CPS1: variants seen among roughly 807,000 people sequenced by gnomAD.
CPS1 encodes the protein carbamoyl-phosphate synthase 1.
Under a neutral mutation model 174.6 loss-of-function variants are expected in CPS1, and 109 were observed. The ratio of observed to expected loss-of-function variants is 0.62; its 90% CI spans 0.53 to 0.73. CPS1 has a LOEUF of 0.73. Among genes scored for constraint, CPS1 ranks in the 30% least tolerant of loss-of-function variants. The pLI is 0.00. For synonymous variants in CPS1, 637 were observed against 632.0 expected (o/e 1.01, Z -0.12); for missense variants, 1,689 against 1,821.9 (o/e 0.93, Z 1.33).
Position 210,599,606 on chromosome 2 carries a change from GCT to G in CPS1, c.1549+46_1549+47del, listed in dbSNP as rs1244620789. 1.9e-6 allele frequency: 3 copies of G among 1,548,860 alleles called. No homozygotes were observed. In the African/African-American group the frequency reaches 4.1e-5, roughly 21 times the overall value. ...ATTGCAGAGTTTTGACATATGCACT[GCT>G]GTGTAATGTATTTTATTTGAGCTCA... On this transcript the variant is annotated intron_variant, in intron 14 of 37. Transcript: ENST00000233072.
intron 1 of CPS1, among the ~76,000 whole-genome samples, chr2:210,523,658 C>G (rs762286897): frequency 2.6e-5 from 4 of 151,996 alleles, no homozygotes; most frequent in Non-Finnish European, 5.9e-5. Flanking sequence ...ATCCATGTTG[C>G]TGCAAAAGAC....
At position 210,588,147 on chromosome 2, in the gene CPS1, G is replaced by T. The variant is rs1000750975; in HGVS notation, c.711G>T (p.Lys237Asn). ...ACAATGTAATCCGCCTGCTAGTAAA[G>T]GTAAGTAATTTGTTCATTTCAAAGG... ...IKNNVIRLLV[K>N]RGAEVHLVPW... The change falls in exon 7 of 38, where the codon AAG becomes AAT. Residue 237 changes from lysine to asparagine, a missense_variant and splice_region_variant. By Grantham distance (94) the Lys-to-Asn change is moderately conservative. Coordinates refer to ENST00000233072, the MANE Select transcript of CPS1 (RefSeq NM_001875.5). 1 of 1,611,940 alleles carries T rather than the reference G, an allele frequency of 6.2e-7. No individual in the cohort carries two copies. Among genetic ancestry groups the T allele is most frequent in the Non-Finnish European group, 8.5e-7 (1 of 1,178,450 alleles).
chr2:210,535,785 T>TA (rs1046501290), intron 1 of CPS1, among the ~76,000 whole-genome samples: 21 of 150,560 alleles, frequency 1.4e-4, no homozygotes, highest in Admixed American at 4.0e-4. Flanking sequence ...TACATGTACT[T>TA]AAAAAAAGTT....
At chr2:210,580,466 A>T (rs1195401117) in intron 5 of CPS1, among the ~76,000 whole-genome samples, 8 of 152,106 alleles carry the variant, frequency 5.3e-5, no homozygotes, top group Non-Finnish European at 8.8e-5. Flanking sequence ...ATCTGAAAGA[A>T]ACATTACGTC....
chr2:210,658,656 G>A lies in CPS1; in HGVS notation c.3724G>A (p.Val1242Ile), dbSNP rs766236739. The change falls in exon 31 of 38, where the codon GTC (valine) becomes ATC (isoleucine). Residue 1242 changes from valine to isoleucine, a missense_variant. Coordinates refer to ENST00000233072, the MANE Select transcript of CPS1 (RefSeq NM_001875.5). ...TTTTGCCATCTCTGGTCCATTCAAC[G>A]TCCAATTTCTTGTCAAAGGAAATGA... ...KAFAISGPFNVQFLVKGNDVL... is the reference protein window; with the variant it reads ...KAFAISGPFNIQFLVKGNDVL... 1.4e-5 allele frequency: 23 copies of A among 1,613,846 alleles called. No homozygotes were observed. Among genetic ancestry groups the A allele is most frequent in the Middle Eastern group, 1.6e-4 (1 of 6,084 alleles).
At chr2:210,619,741 T>C (rs1299133872) in intron 21 of CPS1, 1 of 152,140 alleles carries the variant, frequency 6.6e-6, no homozygotes, top group African/African-American at 2.4e-5. Flanking sequence ...CTACAGTTGT[T>C]AATCAATCTC....
chr2:210,543,892 T>TC (rs1207481091), intron 1 of CPS1, among the ~76,000 whole-genome samples: 5 of 151,890 alleles, frequency 3.3e-5, no homozygotes, highest in African/African-American at 4.8e-5. Context: ...AAGAATCACT[T>TC]CCCCCCCTCC....
At chr2:210,533,265 G>T (rs991736730) in intron 1 of CPS1, among the ~76,000 whole-genome samples, 1 of 152,090 alleles carries the variant, frequency 6.6e-6, no homozygotes, top group Non-Finnish European at 1.5e-5. Flanking sequence ...GGGATTTGGA[G>T]AATTGAAATC....
At chr2:210,666,949 C>G (rs1010565462) in intron 33 of CPS1, among the ~76,000 whole-genome samples, 32 of 152,140 alleles carry the variant, frequency 2.1e-4, no homozygotes, top group African/African-American at 7.7e-4. Flanking sequence ...TTGATTCTTC[C>G]TACCCATGAG....
rs150646028 is a variant in CPS1, at chr2:210,606,113, A to G, written c.1982-618A>G. Among the ~76,000 whole-genome samples, 418 of 152,068 alleles carry G rather than the reference A, an allele frequency of 2.7e-3. 3 individuals are homozygous for G. Among genetic ancestry groups the G allele is most frequent in the Non-Finnish European group, 5.2e-3 (352 of 67,908 alleles). Reference sequence around the variant, plus strand: ...GCTCTTTTGGATGTCCAAGAGAACAATTTCATTGCAAAGTCAGTTCTGTGA... The same window carrying G: ...GCTCTTTTGGATGTCCAAGAGAACAGTTTCATTGCAAAGTCAGTTCTGTGA... On this transcript the variant is annotated intron_variant, in intron 17 of 37. Transcript: ENST00000233072.
At chr2:210,494,792 T>C (rs1694952074) in intron 1 of CPS1, among the ~76,000 whole-genome samples, 1 of 152,188 alleles carries the variant, frequency 6.6e-6, no homozygotes, top group Admixed American at 6.5e-5. Flanking sequence ...TGAGATTTGA[T>C]TGAAGCCACA....
intron 21 of CPS1, chr2:210,619,362 T>C (rs112758705): frequency 6.6e-6 from 1 of 152,092 alleles, no homozygotes; most frequent in Non-Finnish European, 1.5e-5. Flanking sequence ...GAAGCTTAAT[T>C]TATATAAGTA....
chr2:210,605,662 A>G (rs927569381), intron 17 of CPS1, among the ~76,000 whole-genome samples: 1 of 151,962 alleles, frequency 6.6e-6, no homozygotes, highest in African/African-American at 2.4e-5. Flanking sequence ...GAGGGCAAAG[A>G]TGATAACTTA....
intron 28 of CPS1, among the ~76,000 whole-genome samples, chr2:210,653,201 A>G (rs565220792): frequency 2.0e-4 from 31 of 152,294 alleles, no homozygotes; most frequent in African/African-American, 7.5e-4. Context: ...AAGTGAATGC[A>G]GGGCCTGGTA....
chr2:210,660,981 G>C (rs1296766186), intron 32 of CPS1, among the ~76,000 whole-genome samples: 1 of 152,214 alleles, frequency 6.6e-6, no homozygotes, highest in African/African-American at 2.4e-5. Flanking sequence ...ACCTTGTTAG[G>C]ATAAAGCTTG....
intron 28 of CPS1, among the ~76,000 whole-genome samples, chr2:210,652,407 G>A (rs1407636317): frequency 6.6e-6 from 1 of 152,164 alleles, no homozygotes; most frequent in African/African-American, 2.4e-5. Context: ...TGAGTGAGTT[G>A]TTGCTATAGC....
chr2:210,672,381 G>C (rs1032671137), intron 34 of CPS1: 1 of 152,032 alleles, frequency 6.6e-6, no homozygotes, highest in Non-Finnish European at 1.5e-5. Context: ...ATGTGATTTG[G>C]TACTTACTGA....
intron 1 of CPS1, among the ~76,000 whole-genome samples, chr2:210,572,751 T>C (rs920137340): frequency 6.6e-6 from 1 of 152,022 alleles, no homozygotes; most frequent in African/African-American, 2.4e-5. Flanking sequence ...AAAGTTTCAG[T>C]TTCTTCATGA....
intron 1 of CPS1, among the ~76,000 whole-genome samples, chr2:210,495,070 A>G (rs746118121): frequency 2.6e-5 from 4 of 152,230 alleles, no homozygotes; most frequent in Admixed American, 1.3e-4. Flanking sequence ...GTTGAAAATC[A>G]TTGGTAAAAT....
Sources: gnomAD v4.1 joint callset for allele counts (sites outside exome capture counted in the v4.1 genomes callset) on GRCh38, gnomAD v4.1.1 for gene constraint, MANE v1.5 for transcripts, NCBI Gene and HGNC (gene_info 2026-07-23, HGNC 2026-07-21) for gene names.